Variants in DTNBP1 observed in about 807,000 individuals in gnomAD.
DTNBP1 encodes the protein dystrobrevin binding protein 1.
In DTNBP1, 35 loss-of-function variants were observed where a neutral mutation model predicts 42.8. The ratio of observed to expected loss-of-function variants is 0.82; its 90% CI spans 0.63 to 1.09. The LOEUF is 1.09. Ranked by LOEUF, DTNBP1 falls within the 50% of genes least tolerant of loss-of-function variation. The pLI, the probability that DTNBP1 is intolerant of heterozygous loss-of-function variation, is 0.00. For synonymous variants in DTNBP1, 171 were observed against 162.2 expected (o/e 1.05, Z -0.41); for missense variants, 457 against 424.2 (o/e 1.08, Z -0.68).
chr6:15,616,796 T>G (rs540765242), intron 5 of DTNBP1, among the ~76,000 whole-genome samples: 30 of 152,182 alleles, frequency 2.0e-4, no homozygotes, highest in Non-Finnish European at 4.3e-4. Flanking sequence ...AAGAAAGAAA[T>G]AAAGACATCC....
chr6:15,654,602 GC>G (rs1266853683), intron 1 of DTNBP1, among the ~76,000 whole-genome samples: 1 of 151,558 alleles, frequency 6.6e-6, no homozygotes, highest in Non-Finnish European at 1.5e-5. Context: ...TCTCTTCTCT[GC>G]CCCCCTACCC....
intron 4 of DTNBP1, among the ~76,000 whole-genome samples, chr6:15,628,877 C>T (rs994580065): frequency 1.3e-5 from 2 of 152,176 alleles, no homozygotes; most frequent in African/African-American, 4.8e-5. Context: ...TAGGAATTCT[C>T]ATTTGAAATA....
At chr6:15,620,357 T>C (rs142672738) in intron 5 of DTNBP1, among the ~76,000 whole-genome samples, 1 of 152,254 alleles carries the variant, frequency 6.6e-6, no homozygotes, top group East Asian at 1.9e-4. Flanking sequence ...CTGCCATTTA[T>C]ATATATATTT....
intron 4 of DTNBP1, among the ~76,000 whole-genome samples, chr6:15,627,736 A>G (rs1170221633): frequency 1.3e-5 from 2 of 152,026 alleles, no homozygotes; most frequent in Admixed American, 6.6e-5. Context: ...TTCAGAAGTC[A>G]CTTCTAAGTA....
At chr6:15,623,193 G>A (rs1759143898) in intron 5 of DTNBP1, among the ~76,000 whole-genome samples, 1 of 152,172 alleles carries the variant, frequency 6.6e-6, no homozygotes, top group Non-Finnish European at 1.5e-5. Context: ...GCCTCAGAAA[G>A]GAACCTGGAC....
intron 7 of DTNBP1, among the ~76,000 whole-genome samples, chr6:15,577,336 C>T (rs1471760100): frequency 6.6e-6 from 1 of 152,212 alleles, no homozygotes; most frequent in Non-Finnish European, 1.5e-5. Context: ...GTGATGCTCT[C>T]TCTGGAGGGT....
At chr6:15,604,140 C>T (rs2113664361) in intron 6 of DTNBP1, among the ~76,000 whole-genome samples, 1 of 152,284 alleles carries the variant, frequency 6.6e-6, no homozygotes, top group Non-Finnish European at 1.5e-5. Context: ...TATCGGGTAC[C>T]ATCACATCTC....
At chr6:15,523,595 G>C (rs1772094399) in intron 9 of DTNBP1, 1 of 1,282,776 alleles carries the variant, frequency 7.8e-7, no homozygotes, top group Non-Finnish European at 1.0e-6. Context: ...CAGTAATTCA[G>C]AGACACCACT....
chr6:15,558,040 TTGGTA>T (rs1774625495), intron 7 of DTNBP1, among the ~76,000 whole-genome samples: 1 of 151,838 alleles, frequency 6.6e-6, no homozygotes, highest in Non-Finnish European at 1.5e-5. Flanking sequence ...AAATATATTA[TTGGTA>T]TGTGTTCCAA....
chr6:15,655,634 C>T (rs1324611514), intron 1 of DTNBP1, among the ~76,000 whole-genome samples: 1 of 100,016 alleles, frequency 1.0e-5, no homozygotes, highest in Non-Finnish European at 2.0e-5. Flanking sequence ...GAAAGTAAAA[C>T]GAAGTTAAAA....
intron 1 of DTNBP1, among the ~76,000 whole-genome samples, chr6:15,661,487 T>C (rs1199546218): frequency 6.6e-6 from 1 of 152,034 alleles, no homozygotes; most frequent in Non-Finnish European, 1.5e-5. Flanking sequence ...GTGAAACCCG[T>C]CTCTACTAAA....
chr6:15,639,602 G>A (rs1417406143), intron 3 of DTNBP1, among the ~76,000 whole-genome samples: 1 of 152,190 alleles, frequency 6.6e-6, no homozygotes, highest in East Asian at 1.9e-4. Context: ...TTGACTAACA[G>A]AAAGCTAGAA....
At chr6:15,577,486 C>T (rs1775632468) in intron 7 of DTNBP1, among the ~76,000 whole-genome samples, 1 of 152,216 alleles carries the variant, frequency 6.6e-6, no homozygotes, top group East Asian at 1.9e-4. Context: ...GCTGGATTTA[C>T]TGAAGAACTG....
At position 15,663,015 on chromosome 6, in the gene DTNBP1, C is replaced by A; in HGVS notation, c.-146G>T. The A allele has an allele frequency of 8.6e-7, 1 of 1,168,812 alleles. No individual in the cohort carries two copies. Among genetic ancestry groups the A allele is most frequent in the South Asian group, 1.4e-5 (1 of 71,796 alleles). The allele number at this position is 1,168,812 out of a possible 1,614,324, so 72.4% of individuals were successfully genotyped here. Reference sequence around the variant, plus strand: ...CCGCCCCCGGTCTGGTCCTCGCCGCCGCGCCGCAACCCCAGCCCCTTCCGC... The same window carrying A: ...CCGCCCCCGGTCTGGTCCTCGCCGCAGCGCCGCAACCCCAGCCCCTTCCGC... On this transcript the variant is annotated 5_prime_UTR_variant, in exon 1 of 10. Coordinates refer to ENST00000344537, the MANE Select transcript of DTNBP1 (RefSeq NM_032122.5).
intron 1 of DTNBP1, among the ~76,000 whole-genome samples, chr6:15,661,091 G>A (rs1350948087): frequency 2.6e-5 from 4 of 152,240 alleles, no homozygotes; most frequent in Admixed American, 6.5e-5. Context: ...CGCATGGTAA[G>A]TGCTCAAGCG....
Position 15,615,353 on chromosome 6 carries a change from A to G in DTNBP1, c.402T>C (p.His134=). The G allele has an allele frequency of 6.2e-7, 1 of 1,614,156 alleles. No individual in the cohort carries two copies. The highest frequency in any genetic ancestry group is 1.7e-5 in the Admixed American group (1 of 60,024). The part of the protein sequence containing the change: ...SFEEVENNLL[H]LEDLCGQCEL... Reference sequence around the variant, plus strand: ...CACACTGCCCACATAAGTCTTCCAGATGCAGCAGGTTGTTCTCTACCTCCT... The same window carrying G: ...CACACTGCCCACATAAGTCTTCCAGGTGCAGCAGGTTGTTCTCTACCTCCT... The change falls in exon 6 of 10, where the codon CAT becomes CAC. Residue 134 remains histidine (H), a synonymous_variant. Coordinates refer to ENST00000344537, the MANE Select transcript of DTNBP1 (RefSeq NM_032122.5).
intron 1 of DTNBP1, 30 bp downstream of exon 1, chr6:15,662,784 G>A: frequency 6.2e-7 from 1 of 1,611,816 alleles, no homozygotes; most frequent in Non-Finnish European, 8.5e-7. Context: ...GCCCCCTCAG[G>A]TCCCTTTTCG....
intron 8 of DTNBP1, among the ~76,000 whole-genome samples, chr6:15,526,750 CTG>C (rs1173785048): frequency 6.6e-6 from 1 of 152,184 alleles, no homozygotes; most frequent in African/African-American, 2.4e-5. Flanking sequence ...TCGCCAAGGC[CTG>C]TCTTTTAGAT....
At chr6:15,624,328 C>T (rs548134627) in intron 5 of DTNBP1, among the ~76,000 whole-genome samples, 4 of 152,284 alleles carry the variant, frequency 2.6e-5, no homozygotes, top group African/African-American at 9.6e-5. Context: ...CCAGCATACC[C>T]TTATTACTTA....
Sources: gnomAD v4.1 joint callset for allele counts (sites outside exome capture counted in the v4.1 genomes callset) on GRCh38, gnomAD v4.1.1 for gene constraint, MANE v1.5 for transcripts, NCBI Gene and HGNC (gene_info 2026-07-23, HGNC 2026-07-21) for gene names.